The following CNGB1 variants were observed in gnomAD, a reference collection of about 807,000 sequenced individuals.
CNGB1 encodes the protein cyclic nucleotide gated channel subunit beta 1, also known as cyclic nucleotide-gated channel beta-1.
Under a neutral mutation model 151.7 loss-of-function variants are expected in CNGB1, and 126 were observed. The observed-to-expected ratio is 0.83, with a 90% CI of 0.72 to 0.96. The LOEUF (loss-of-function observed/expected upper bound fraction) is 0.96. Among genes scored for constraint, CNGB1 ranks in the 40% least tolerant of loss-of-function variants. The probability of loss-of-function intolerance (pLI) is 0.00; values close to 1 mark genes in which losing one functional copy is unlikely to be tolerated. For synonymous variants in CNGB1, 623 were observed against 635.1 expected, an observed-to-expected ratio of 0.98 and a Z score of 0.29; for missense variants, 1,698 against 1,627.0, an observed-to-expected ratio of 1.04 and a Z score of -0.75.
At chr16:57,888,113 T>G in intron 31 of CNGB1, 39 bp from the exon 32 acceptor site, 2 of 1,594,392 alleles carry the variant, frequency 1.3e-6, no homozygotes, top group South Asian at 2.2e-5. Flanking sequence ...ACAGACGCAC[T>G]CTGGGGGAAA....
At chr16:57,938,372 G>T (rs1961568610) in intron 16 of CNGB1, among the ~76,000 whole-genome samples, 1 of 152,176 alleles carries the variant, frequency 6.6e-6, no homozygotes, top group South Asian at 2.1e-4. Flanking sequence ...CCCAGGGTTA[G>T]GACACTTGGG....
rs760526089 is a variant in CNGB1, at chr16:57,960,564, A to G, written c.535-34T>C. On this transcript the variant is annotated intron_variant, in intron 8 of 32. Coordinates refer to ENST00000251102, the MANE Select transcript of CNGB1 (RefSeq NM_001297.5). ...CAAACAGGGCGCAAGGTCATGGGCC[A>G]TAGCAAGCTCTGTGCGCTTCCCCAA... 36 of 1,609,014 alleles carry G rather than the reference A, an allele frequency of 2.2e-5. 1 individual carries two copies. The Admixed American group carries it at 5.5e-4, about 25-fold the overall frequency.
intron 12 of CNGB1, chr16:57,955,180 C>T: frequency 6.6e-7 from 1 of 1,511,816 alleles, no homozygotes; most frequent in East Asian, 2.5e-5. Context: ...CTCTGGCTCC[C>T]CTTGTCCTGC....
At position 57,930,191 on chromosome 16, in the gene CNGB1, T is replaced by C. The variant is rs188855094; in HGVS notation, c.1535+1525A>G. Among the ~76,000 whole-genome samples the C allele has an allele frequency of 1.2e-4, 19 of 152,158 alleles. No homozygotes were observed. The East Asian group carries it at 2.5e-3, about 20-fold the overall frequency. ...GAGATGGAAACAATATAAATGTCCA[T>C]CAACAGATAAATAAAGAAAATGTGG... On this transcript the variant is annotated intron_variant, in intron 17 of 32. Coordinates refer to ENST00000251102, the MANE Select transcript of CNGB1 (RefSeq NM_001297.5).
intron 31 of CNGB1, among the ~76,000 whole-genome samples, chr16:57,894,980 T>C (rs1248909040): frequency 1.3e-5 from 2 of 152,172 alleles, no homozygotes; most frequent in African/African-American, 4.8e-5. Context: ...CCATCATATA[T>C]ACTCGGGCTA....
At chr16:57,908,170 T>C (rs1485274164) in intron 25 of CNGB1, among the ~76,000 whole-genome samples, 1 of 152,214 alleles carries the variant, frequency 6.6e-6, no homozygotes, top group African/African-American at 2.4e-5. Flanking sequence ...GGATTACAGA[T>C]ATGAGCCACC....
Position 57,920,476 on chromosome 16 carries a change from A to G in CNGB1, c.1712T>C (p.Leu571Pro). 6.2e-7 allele frequency: 1 copy of G among 1,614,118 alleles called. No individual in the cohort carries two copies. The highest frequency in any genetic ancestry group is 8.5e-7 in the Non-Finnish European group (1 of 1,180,028). The change falls in exon 19 of 33, where the codon CTG (leucine) becomes CCG (proline). Residue 571 changes from leucine (L) to proline (P), a missense_variant. By Grantham distance (98) the Leu-to-Pro change is moderately conservative. Transcript: ENST00000251102. The stretch of plus-strand genomic sequence containing the variant: ...TGTCCGCTCCTTGAAGAGCTTCACC[A>G]GCTCCTGGAGCCGGTCGTTGATGAT... ...SAIINDRLQE[L>P]VKLFKERTEK...
At position 57,917,484 on chromosome 16, in the gene CNGB1, G is replaced by C. The variant is rs886052192; in HGVS notation, c.1958-8C>G. On this transcript the variant is annotated splice_region_variant and splice_polypyrimidine_tract_variant and intron_variant, in intron 20 of 32. Coordinates refer to ENST00000251102, the MANE Select transcript of CNGB1 (RefSeq NM_001297.5). ...ATAGGACATACATCAGGTCTGTGGG[G>C]AAGGTTGACGGGGACGCTAGAGCAT... 2 of 1,613,676 alleles carry C rather than the reference G, an allele frequency of 1.2e-6. No homozygotes were observed. The highest frequency in any genetic ancestry group is 1.7e-6 in the Non-Finnish European group (2 of 1,179,900).
chr16:57,921,871 T>C lies in CNGB1; in HGVS notation c.1644-1327A>G, dbSNP rs1266219450. On this transcript the variant is annotated intron_variant, in intron 18 of 32. Coordinates refer to ENST00000251102, the MANE Select transcript of CNGB1 (RefSeq NM_001297.5). The stretch of plus-strand genomic sequence containing the variant: ...CATGCAACTATTGAGATGATGATGG[T>C]ATATGATACAGTTCCTTAAGCCACT... Among the ~76,000 whole-genome samples the C allele has an allele frequency of 4.6e-5, 7 of 152,192 alleles. No homozygotes were observed. The South Asian group carries it at 6.2e-4, about 14-fold the overall frequency.
chr16:57,930,706 G>T (rs1291827642), intron 17 of CNGB1, among the ~76,000 whole-genome samples: 1 of 152,216 alleles, frequency 6.6e-6, no homozygotes, highest in African/African-American at 2.4e-5. Flanking sequence ...GCTACAATGT[G>T]GATGAATCTT....
At position 57,919,228 on chromosome 16, in the gene CNGB1, C is replaced by A; in HGVS notation, c.1828G>T (p.Ala610Ser). ...PSPAKKAPEP[A>S]PDTKPAEAEP... ...GCTTCAGCGGGCTTTGTGTCTGGAG[C>A]TGGCTCTGGGGCTTTCTTGGCTGGG... The change falls in exon 20 of 33, where the codon GCT becomes TCT. Residue 610 changes from alanine to serine, a missense_variant. Physicochemically the swap from Ala to Ser is moderately conservative, Grantham distance 99. Transcript: ENST00000251102. The A allele has an allele frequency of 6.2e-7, 1 of 1,614,220 alleles. No homozygotes were observed. The highest frequency in any genetic ancestry group is 8.5e-7 in the Non-Finnish European group (1 of 1,180,034).
intron 2 of CNGB1, among the ~76,000 whole-genome samples, chr16:57,965,272 C>A (rs1452144518): frequency 1.3e-5 from 2 of 151,934 alleles, no homozygotes; most frequent in African/African-American, 4.8e-5. Context: ...TGTGCACACA[C>A]GTACAGGCAA....
rs538199207 is a variant in CNGB1, at chr16:57,905,044, C to T, written c.2493-169G>A. On this transcript the variant is annotated intron_variant, in intron 25 of 32. Transcript: ENST00000251102. ...CTCCTGCACGTGTAGAGCACGTTGC[C>T]GTTTGCAGAGCAGGTTCACAAATGC... Among the ~76,000 whole-genome samples, 4 of 151,244 alleles carry T rather than the reference C, an allele frequency of 2.6e-5. No individual in the cohort carries two copies. The East Asian group carries it at 5.9e-4, about 22-fold the overall frequency.
intron 12 of CNGB1, 85 bp from the exon 13 acceptor site, chr16:57,950,625 C>T: frequency 6.7e-7 from 1 of 1,486,080 alleles, no homozygotes; most frequent in Non-Finnish European, 9.3e-7. Context: ...CTGCAGGGAG[C>T]CCTGGCTGTC....
In CNGB1 at chr16:57,925,168, A is replaced by ATT. The variant is rs879880209; in HGVS notation, c.1536-1790_1536-1789dup. ...TAGGTGTACACCACCACACCAGCTA[A>ATT]TTTTTTTTTTTTTTAGTAGAGATGG... On this transcript the variant is annotated intron_variant, in intron 17 of 32. Transcript: ENST00000251102. 4.5e-3 allele frequency among the ~76,000 whole-genome samples: 643 copies of ATT among 143,636 alleles called. 3 individuals are homozygous for ATT. The highest frequency in any genetic ancestry group is 0.015 in the African/African-American group (607 of 39,308). The allele number at this position is 143,636 out of a possible 152,430, so 94.2% of individuals were successfully genotyped here.
intron 10 of CNGB1, among the ~76,000 whole-genome samples, chr16:57,958,921 C>CT (rs10708381): frequency 0.17 from 20,914 of 119,846 alleles, 2,120 homozygotes; most frequent in East Asian, 0.39. Flanking sequence ...TCATGCCCAG[C>CT]TTTTTTTTTT....
intron 17 of CNGB1, among the ~76,000 whole-genome samples, chr16:57,924,346 C>G (rs1227518488): frequency 3.3e-5 from 5 of 151,762 alleles, no homozygotes; most frequent in African/African-American, 1.2e-4. Flanking sequence ...AGAAAGAATC[C>G]TCTTTAAGAT....
chr16:57,970,650 C>T (rs1477672140), intron 1 of CNGB1, among the ~76,000 whole-genome samples: 1 of 152,184 alleles, frequency 6.6e-6, no homozygotes, highest in African/African-American at 2.4e-5. Flanking sequence ...TCCCCGATCC[C>T]CCATTTTTCT....
At chr16:57,948,575 C>T (rs913395269) in intron 14 of CNGB1, among the ~76,000 whole-genome samples, 2 of 152,062 alleles carry the variant, frequency 1.3e-5, no homozygotes, top group Admixed American at 1.3e-4. Flanking sequence ...CTGGTCTTGT[C>T]CATGAGCCTC....
Sources: gnomAD v4.1 joint callset for allele counts (sites outside exome capture counted in the v4.1 genomes callset) on GRCh38, gnomAD v4.1.1 for gene constraint, MANE v1.5 for transcripts, NCBI Gene and HGNC (gene_info 2026-07-23, HGNC 2026-07-21) for gene names.